BLTP1: variants seen among roughly 807,000 people sequenced by gnomAD.
BLTP1 encodes fragile site-associated protein.
chr4:122,159,029 T>G, the BLTP1 span, among the ~76,000 whole-genome samples: 1 of 152,244 alleles, frequency 6.6e-6, no homozygotes, highest in African/African-American at 2.4e-5. Flanking sequence ...TGAATATTTC[T>G]TTTGCCTAGT....
At chr4:122,170,368 A>G in the BLTP1 span, 2 of 973,912 alleles carry the variant, frequency 2.1e-6, no homozygotes, top group South Asian at 4.8e-5. Flanking sequence ...AGAGTATAGT[A>G]ATTGAACCTT....
the BLTP1 span, chr4:122,246,581 T>C: frequency 2.2e-6 from 3 of 1,347,760 alleles, no homozygotes; most frequent in Admixed American, 4.3e-5. Flanking sequence ...GTCAAATACA[T>C]AGATATGCCA....
chr4:122,214,300 A>G, the BLTP1 span: 3 of 925,232 alleles, frequency 3.2e-6, no homozygotes, highest in African/African-American at 5.4e-5. Context: ...AAAATTTTGG[A>G]GAATTCTTAA....
chr4:122,361,425 T>C, the BLTP1 span, among the ~76,000 whole-genome samples: 1 of 152,230 alleles, frequency 6.6e-6, no homozygotes, highest in Non-Finnish European at 1.5e-5. Context: ...CTAACCTGTT[T>C]AGGGGCTTGC....
At chr4:122,238,732 AC>A in the BLTP1 span, among the ~76,000 whole-genome samples, 6 of 152,248 alleles carry the variant, frequency 3.9e-5, no homozygotes, top group East Asian at 9.7e-4. Context: ...GTTTGATAGC[AC>A]ATTTCAAAAT....
chr4:122,308,704 A>G, the BLTP1 span, among the ~76,000 whole-genome samples: 1 of 152,128 alleles, frequency 6.6e-6, no homozygotes, highest in Non-Finnish European at 1.5e-5. Flanking sequence ...ACATGTGTGT[A>G]TGAGAGAGAG....
the BLTP1 span, chr4:122,274,638 C>A: frequency 1.0e-6 from 1 of 980,824 alleles, no homozygotes; most frequent in African/African-American, 1.7e-5. Context: ...TATATACCTT[C>A]ATTCCTAACT....
chr4:122,344,847 A>G, the BLTP1 span: 36 of 984,690 alleles, frequency 3.7e-5, no homozygotes, highest in Non-Finnish European at 3.9e-5. Context: ...ATGAATTGGT[A>G]CAGTTTCTTT....
the BLTP1 span, chr4:122,180,189 A>G: frequency 1.0e-6 from 1 of 985,078 alleles, no homozygotes; most frequent in Non-Finnish European, 1.2e-6. Context: ...CTGTAACGTC[A>G]TTTACTAATA....
the BLTP1 span, among the ~76,000 whole-genome samples, chr4:122,164,192 T>G: frequency 6.6e-6 from 1 of 152,142 alleles, no homozygotes; most frequent in Non-Finnish European, 1.5e-5. Flanking sequence ...GATGACTAGG[T>G]TAGAATTTTG....
chr4:122,184,960 A>G, the BLTP1 span: 1 of 984,316 alleles, frequency 1.0e-6, no homozygotes, highest in African/African-American at 1.7e-5. Flanking sequence ...CATTTACGCC[A>G]GTCTTCATCA....
the BLTP1 span, chr4:122,236,789 A>C: frequency 1.0e-6 from 1 of 977,690 alleles, no homozygotes; most frequent in Non-Finnish European, 1.2e-6. Flanking sequence ...TGTAATAGGA[A>C]GTGTCTGTAT....
At chr4:122,255,281 A>G in the BLTP1 span, 12 of 1,584,224 alleles carry the variant, frequency 7.6e-6, no homozygotes, top group South Asian at 1.1e-5. Context: ...TGATGCTACA[A>G]TGGTAAGTTA....
the BLTP1 span, chr4:122,239,746 C>T: frequency 8.1e-6 from 13 of 1,614,028 alleles, no homozygotes; most frequent in African/African-American, 2.7e-5. Flanking sequence ...GTACTAGACT[C>T]ACCAAAGCAG....
the BLTP1 span, chr4:122,362,452 T>G: frequency 2.5e-6 from 1 of 405,472 alleles, no homozygotes; most frequent in Non-Finnish European, 4.4e-6. Flanking sequence ...TGTGAAAAAC[T>G]AGATTAAAAT....
At chr4:122,326,252 C>T in the BLTP1 span, among the ~76,000 whole-genome samples, 10 of 151,704 alleles carry the variant, frequency 6.6e-5, no homozygotes, top group Admixed American at 6.6e-4. Context: ...AAACAAAGAT[C>T]AGTTCAAACT....
chr4:122,269,313 T>G, the BLTP1 span: 1 of 579,450 alleles, frequency 1.7e-6, no homozygotes, highest in Non-Finnish European at 2.2e-6. Context: ...GTAGCCTATT[T>G]ATTGGCCTAG....
At chr4:122,322,963 AG>A in the BLTP1 span, among the ~76,000 whole-genome samples, 1 of 151,976 alleles carries the variant, frequency 6.6e-6, no homozygotes, top group Non-Finnish European at 1.5e-5. Flanking sequence ...TTTTCTCCTG[AG>A]GGGATTTTTT....
the BLTP1 span, chr4:122,246,207 C>T: frequency 8.1e-6 from 13 of 1,606,374 alleles, no homozygotes; most frequent in East Asian, 2.2e-5. Flanking sequence ...ACAATAGGAA[C>T]GACTAACCAA....
Sources: gnomAD v4.1 joint callset for allele counts (sites outside exome capture counted in the v4.1 genomes callset) on GRCh38, gnomAD v4.1.1 for gene constraint, MANE v1.5 for transcripts, NCBI Gene and HGNC (gene_info 2026-07-23, HGNC 2026-07-21) for gene names.